The following DYNC2H1 variants were observed in gnomAD, a reference collection of about 807,000 sequenced individuals.
DYNC2H1 encodes the protein cytoplasmic dynein 2 heavy chain 1.
In DYNC2H1, 410 loss-of-function variants were observed where a neutral mutation model predicts 570.0. The ratio of observed to expected loss-of-function variants is 0.72; its 90% CI spans 0.66 to 0.78. The LOEUF (loss-of-function observed/expected upper bound fraction) is 0.78. DYNC2H1 is among the 30% of genes least tolerant of loss of function. The probability of loss-of-function intolerance (pLI) is 0.00; values close to 1 mark genes in which losing one functional copy is unlikely to be tolerated. For missense variants in DYNC2H1, 4,865 were observed against 5,046.4 expected, an observed-to-expected ratio of 0.96 and a Z score of 1.09; for synonymous variants, 1,688 against 1,677.6, an observed-to-expected ratio of 1.01 and a Z score of -0.15.
At chr11:103,271,836 TGGCCATGAGA>T (rs972462743) in intron 70 of DYNC2H1, among the ~76,000 whole-genome samples, 2 of 152,294 alleles carry the variant, frequency 1.3e-5, no homozygotes, top group African/African-American at 4.8e-5. Flanking sequence ...TCATCATCAC[TGGCCATGAGA>T]GAAATGCAAA....
At chr11:103,111,540 G>A (rs1858112425) in intron 1 of DYNC2H1, among the ~76,000 whole-genome samples, 1 of 152,142 alleles carries the variant, frequency 6.6e-6, no homozygotes, top group Non-Finnish European at 1.5e-5. Context: ...CAGTGGCTTA[G>A]GATGACATAT....
rs186638988 is a variant in DYNC2H1 at position 103,254,782 on chromosome 11, A to T, written c.10207-633A>T. Among the ~76,000 whole-genome samples the T allele has an allele frequency of 6.6e-6, 1 of 151,646 alleles. No homozygotes were observed. Among genetic ancestry groups the T allele is most frequent in the East Asian group, 1.9e-4 (1 of 5,162 alleles). On this transcript the variant is annotated intron_variant, in intron 66 of 88. Transcript: ENST00000375735. This position sits in a 1 kb window ranked among gnomAD's most constrained non-coding sequence, Gnocchi z 4.9. ...TCTTTTTATTTGTTTATTTTATTTT[A>T]TTTTTTTGAGACGGAGTCTGGCACT...
chr11:103,402,088 A>G (rs1565566200), intron 84 of DYNC2H1: 1 of 152,144 alleles, frequency 6.6e-6, no homozygotes. Flanking sequence ...ACCTAAAGTA[A>G]TAATGTTGGA....
In DYNC2H1 at chr11:103,135,207, A is replaced by G. The variant is rs17301491; in HGVS notation, c.2206-288A>G. Among the ~76,000 whole-genome samples the G allele has an allele frequency of 0.066, 10,032 of 152,238 alleles. 438 individuals are homozygous for G. Among genetic ancestry groups the G allele is most frequent in the Middle Eastern group, 0.11 (33 of 292 alleles). ...AAAATAAACCAGTATTTGTGGTACTACATCATAAAATAAAGTCCAAATATG... is the reference window on the plus strand; with the variant it reads ...AAAATAAACCAGTATTTGTGGTACTGCATCATAAAATAAAGTCCAAATATG... On this transcript the variant is annotated intron_variant, in intron 15 of 88. Transcript: ENST00000375735.
intron 17 of DYNC2H1, among the ~76,000 whole-genome samples, chr11:103,138,377 C>T (rs1435567616): frequency 1.3e-5 from 2 of 152,056 alleles, no homozygotes; most frequent in African/African-American, 4.8e-5. Context: ...TCATAGATAG[C>T]TCTTATTATT....
Position 103,286,394 on chromosome 11 carries a change from T to G in DYNC2H1, c.11022+8T>G. ...GTTTCCTTATTTCAGCAGGTAAAATTTAGTGTTATCTAAATGCAAAAAAGT... is the reference window on the plus strand; with the variant it reads ...GTTTCCTTATTTCAGCAGGTAAAATGTAGTGTTATCTAAATGCAAAAAAGT... On this transcript the variant is annotated splice_region_variant and intron_variant, in intron 74 of 88. Transcript: ENST00000375735. 5 of 1,608,866 alleles carry G rather than the reference T, an allele frequency of 3.1e-6. No homozygotes were observed. The highest frequency in any genetic ancestry group is 4.2e-6 in the Non-Finnish European group (5 of 1,178,654).
intron 63 of DYNC2H1, 79 bp downstream of exon 63, chr11:103,236,618 T>A: frequency 1.3e-6 from 1 of 762,584 alleles, no homozygotes; most frequent in Non-Finnish European, 2.1e-6. Flanking sequence ...CTTCGTATTC[T>A]TAGTCTTTCA....
intron 75 of DYNC2H1, among the ~76,000 whole-genome samples, chr11:103,293,518 C>T (rs1591535703): frequency 6.6e-6 from 1 of 152,132 alleles, no homozygotes; most frequent in East Asian, 1.9e-4. Context: ...ATCCTGATCT[C>T]TTTCTTTACA....
rs757270760 is a variant in DYNC2H1, at chr11:103,128,998, T to C, written c.1946T>C (p.Ile649Thr). 13 of 1,600,502 alleles carry C rather than the reference T, an allele frequency of 8.1e-6. No homozygotes were observed. The highest frequency in any genetic ancestry group is 1.7e-4 in the Middle Eastern group (1 of 6,054). Residue 649 changes from isoleucine (I) to threonine (T), a missense_variant, in exon 13 of 89, where the codon ATA becomes ACA. Physicochemically the swap from Ile to Thr is moderately conservative, Grantham distance 89. This residue lies in a region of DYNC2H1 where 1,936 missense variants were observed against 1,962.1 expected (regional missense o/e 0.99). Transcript: ENST00000375735. ...CAATCTGCCTTAGCATTTGAACAGA[T>C]AATTAAGGTAAATGGGCTTTTAATT... ...MLQSALAFEQ[I>T]IKNSKAGSGG...
chr11:103,110,431 T>C (rs1591249712), intron 1 of DYNC2H1, among the ~76,000 whole-genome samples: 2 of 152,098 alleles, frequency 1.3e-5, no homozygotes, highest in East Asian at 3.8e-4. Flanking sequence ...GGAAGGCAAA[T>C]TCTAGTCTAT....
intron 83 of DYNC2H1, among the ~76,000 whole-genome samples, chr11:103,384,946 G>A (rs1941813574): frequency 6.6e-6 from 1 of 152,056 alleles, no homozygotes; most frequent in East Asian, 1.9e-4. Flanking sequence ...CTGTCTTAAA[G>A]GGTATGTTAT....
At chr11:103,183,600 T>C (rs1312458015) in intron 40 of DYNC2H1, among the ~76,000 whole-genome samples, 1 of 151,958 alleles carries the variant, frequency 6.6e-6, no homozygotes, top group East Asian at 1.9e-4. Flanking sequence ...GCTGAAATTG[T>C]ATTTATAACT....
chr11:103,468,712 C>T lies in DYNC2H1; in HGVS notation c.12765+7C>T. The T allele has an allele frequency of 1.9e-6, 3 of 1,583,744 alleles. No individual in the cohort carries two copies. The highest frequency in any genetic ancestry group is 2.6e-6 in the Non-Finnish European group (3 of 1,154,822). The stretch of plus-strand genomic sequence containing the variant: ...TATGGGCTGGATTCCACAGGTAATA[C>T]ATTTTTAACAAGCACAAGTTTTAAT... On this transcript the variant is annotated splice_region_variant and intron_variant, in intron 88 of 88. Transcript: ENST00000375735.
rs1490955139 is a variant in DYNC2H1 at position 103,241,660 on chromosome 11, C to T, written c.9820-2033C>T. 8.2e-6 allele frequency: 7 copies of T among 850,328 alleles called. No individual in the cohort carries two copies. Among genetic ancestry groups the T allele is most frequent in the Non-Finnish European group, 1.3e-5 (7 of 547,310 alleles). The allele number at this position is 850,328 out of a possible 1,614,324, so 52.7% of individuals were successfully genotyped here. A position where few individuals can be genotyped will look rare whatever the true frequency, so the allele number is the denominator to read the frequency against. On this transcript the variant is annotated intron_variant, in intron 63 of 88. Coordinates refer to ENST00000375735, the MANE Select transcript of DYNC2H1 (RefSeq NM_001377.3). The surrounding 1 kb of genome is among the most constrained non-coding windows in gnomAD (Gnocchi z 5.1). ...TAAAATTAGATCAAAAACCTAGGTG[C>T]AGCACCATGGTAACACTTCACAGGC...
intron 20 of DYNC2H1, among the ~76,000 whole-genome samples, chr11:103,150,313 G>A (rs1860472089): frequency 6.6e-6 from 1 of 150,618 alleles, no homozygotes; most frequent in Non-Finnish European, 1.5e-5. Context: ...CAATAGTGGT[G>A]GACAGGCCAG....
rs1001119042 is a variant in DYNC2H1 at position 103,465,537 on chromosome 11, A to G, written c.12649-3052A>G. On this transcript the variant is annotated intron_variant, in intron 87 of 88. Coordinates refer to ENST00000375735, the MANE Select transcript of DYNC2H1 (RefSeq NM_001377.3). The surrounding 1 kb of genome is among the most constrained non-coding windows in gnomAD (Gnocchi z 4.9). ...TCAAAACTTAGTGGCTTAGAATACC[A>G]ATTTATTATTTTCTCACAATTCTGT... Among the ~76,000 whole-genome samples, 10 of 151,950 alleles carry G rather than the reference A, an allele frequency of 6.6e-5. No individual in the cohort carries two copies. Among genetic ancestry groups the G allele is most frequent in the African/African-American group, 2.4e-4 (10 of 41,356 alleles).
intron 88 of DYNC2H1, among the ~76,000 whole-genome samples, chr11:103,475,094 C>T (rs1301198413): frequency 1.3e-5 from 2 of 152,098 alleles, no homozygotes; most frequent in African/African-American, 2.4e-5. Flanking sequence ...CTAATTGATT[C>T]AAATGAGTGT....
intron 88 of DYNC2H1, among the ~76,000 whole-genome samples, chr11:103,478,324 T>C (rs1038470078): frequency 1.3e-5 from 2 of 152,220 alleles, no homozygotes; most frequent in Non-Finnish European, 2.9e-5. Context: ...AGTTTCTCTT[T>C]ATAGATATAT....
At chr11:103,375,292 G>A (rs1050355967) in intron 83 of DYNC2H1, among the ~76,000 whole-genome samples, 6 of 152,204 alleles carry the variant, frequency 3.9e-5, no homozygotes, top group Middle Eastern at 3.2e-3. Flanking sequence ...CTGTAGGGTT[G>A]GAGCCCTCTT....
Sources: allele counts gnomAD v4.1 joint callset (sites outside exome capture counted in the v4.1 genomes callset), GRCh38; gene constraint gnomAD v4.1.1; regional missense constraint gnomAD v4.1.1; non-coding constraint Gnocchi (gnomAD v3.1); transcripts MANE v1.5; gene names NCBI Gene and HGNC (gene_info 2026-07-23, HGNC 2026-07-21).